The following SAP130 variants were observed in gnomAD, a reference collection of about 807,000 sequenced individuals.
SAP130 encodes Sin3A associated protein 130.
A neutral mutation model predicts 103.2 loss-of-function variants in SAP130; 16 were observed. That is an observed-to-expected ratio of 0.16 (90% CI 0.10 to 0.24). SAP130 has a LOEUF of 0.24. Among genes scored for constraint, SAP130 ranks in the 10% least tolerant of loss-of-function variants. The pLI is 1.00. For synonymous variants in SAP130, 477 were observed against 497.0 expected (o/e 0.96, Z 0.53); for missense variants, 990 against 1,359.7 (o/e 0.73, Z 4.28).
chr2:127,993,439 C>G (rs1326847696), intron 11 of SAP130, 131 bp from the exon 12 acceptor site: 2 of 875,208 alleles, frequency 2.3e-6, no homozygotes, highest in Admixed American at 3.4e-5. Flanking sequence ...GTGTCCCAAA[C>G]AAACTCTTAC....
chr2:127,997,378 C>T lies in SAP130; in HGVS notation c.1214-887G>A, dbSNP rs3806585. ...GACAGCTTCCATCTTTGTAAAAACC[C>T]GTTACACCAGTGAGAGGCACATTAA... On this transcript the variant is annotated intron_variant, in intron 10 of 20. Transcript: ENST00000643581. Among the ~76,000 whole-genome samples the T allele has an allele frequency of 2.9e-3, 440 of 152,228 alleles. 3 individuals carry two copies. The highest frequency in any genetic ancestry group is 4.9e-3 in the Non-Finnish European group (332 of 68,004).
chr2:127,976,932 A>G (rs1681503381), intron 15 of SAP130, among the ~76,000 whole-genome samples: 5 of 152,084 alleles, frequency 3.3e-5, no homozygotes, highest in Admixed American at 3.3e-4. Flanking sequence ...GAATCTATCA[A>G]TCTATCTACA....
intron 2 of SAP130, among the ~76,000 whole-genome samples, chr2:128,023,300 C>T (rs1685276456): frequency 6.6e-6 from 1 of 152,046 alleles, no homozygotes; most frequent in Non-Finnish European, 1.5e-5. Context: ...TTAGCCTGGC[C>T]TCGGCTAATT....
chr2:127,968,362 C>T (rs1287043103), intron 15 of SAP130, among the ~76,000 whole-genome samples: 3 of 150,446 alleles, frequency 2.0e-5, no homozygotes, highest in African/African-American at 7.4e-5. Context: ...CTGTCCGCAT[C>T]GGCCTCCCAA....
intron 16 of SAP130, among the ~76,000 whole-genome samples, chr2:127,951,427 A>G (rs1679487733): frequency 6.6e-6 from 1 of 151,864 alleles, no homozygotes; most frequent in Admixed American, 6.6e-5. Flanking sequence ...CTCACACCCA[A>G]TCTGAATTTC....
At chr2:128,017,188 G>A (rs1411672547) in intron 3 of SAP130, among the ~76,000 whole-genome samples, 3 of 152,174 alleles carry the variant, frequency 2.0e-5, no homozygotes, top group African/African-American at 7.2e-5. Flanking sequence ...CAGGCGTAGT[G>A]ACGTGCGCCT....
At chr2:128,005,066 C>T (rs1683859488) in intron 7 of SAP130, among the ~76,000 whole-genome samples, 1 of 152,158 alleles carries the variant, frequency 6.6e-6, no homozygotes, top group African/African-American at 2.4e-5. Context: ...AATTTAAAAA[C>T]TTAATGAAGT....
At chr2:127,945,402 G>T in intron 19 of SAP130, 54 bp downstream of exon 19, 1 of 1,038,676 alleles carries the variant, frequency 9.6e-7, no homozygotes, top group Non-Finnish European at 1.5e-6. Context: ...TCAGCTATCT[G>T]CAGTGTCTTC....
At position 128,018,050 on chromosome 2, in the gene SAP130, A is replaced by C. The variant is rs1018417016; in HGVS notation, c.113-135T>G. On this transcript the variant is annotated intron_variant, in intron 2 of 20. Coordinates refer to ENST00000643581, the MANE Select transcript of SAP130 (RefSeq NM_001330301.2). ...ATTTCCTTGTGATGTTTTCTTAACA[A>C]GGTCAATATGGGCACTGGATTCTCC... 1.9e-5 allele frequency: 13 copies of C among 670,630 alleles called. No individual in the cohort carries two copies. In the African/African-American group the frequency reaches 2.3e-4, roughly 12 times the overall value. 41.5% of individuals were successfully genotyped at this position (670,630 alleles called of 1,614,324 possible). A position where few individuals can be genotyped will look rare whatever the true frequency, so the allele number is the denominator to read the frequency against.
chr2:127,978,727 T>A (rs538677915), intron 14 of SAP130, among the ~76,000 whole-genome samples: 43 of 152,278 alleles, frequency 2.8e-4, no homozygotes, highest in African/African-American at 9.1e-4. Context: ...TGGATCCAGG[T>A]ACTGATCTTC....
At chr2:127,957,820 G>A (rs1316913250) in intron 15 of SAP130, among the ~76,000 whole-genome samples, 1 of 152,004 alleles carries the variant, frequency 6.6e-6, no homozygotes, top group African/African-American at 2.4e-5. Flanking sequence ...GAAAGAAAAA[G>A]AGAGAAGAGA....
At position 127,989,774 on chromosome 2, in the gene SAP130, C is replaced by T; in HGVS notation, c.1570G>A (p.Val524Met). Reference sequence around the variant, plus strand: ...ATATGTCGAGCATGCGATGCATCCACTGTCATCAACTGCATGGGGTTTAGG... The same window carrying T: ...ATATGTCGAGCATGCGATGCATCCATTGTCATCAACTGCATGGGGTTTAGG... ...VHLNPMQLMT[V>M]DASHARHIQG... The change falls in exon 13 of 21, where the codon GTG becomes ATG. Residue 524 changes from valine (V) to methionine (M), a missense_variant. By Grantham distance (21) the Val-to-Met change is conservative (BLOSUM62 1). Transcript: ENST00000643581. The surrounding 1 kb of genome is among the most constrained non-coding windows in gnomAD (Gnocchi z 4.6). 1 of 1,614,246 alleles carries T rather than the reference C, an allele frequency of 6.2e-7. No homozygotes were observed. Among genetic ancestry groups the T allele is most frequent in the East Asian group, 2.2e-5 (1 of 44,888 alleles).
At chr2:128,016,872 G>A (rs1295223720) in intron 3 of SAP130, among the ~76,000 whole-genome samples, 1 of 152,196 alleles carries the variant, frequency 6.6e-6, no homozygotes, top group East Asian at 1.9e-4. Flanking sequence ...CCAAGTTTGG[G>A]TGGATTGAAC....
intron 3 of SAP130, 99 bp from the exon 4 acceptor site, chr2:128,016,646 C>T: frequency 7.6e-7 from 1 of 1,320,428 alleles, no homozygotes; most frequent in Non-Finnish European, 1.0e-6. Flanking sequence ...TGGAAAGTGC[C>T]AGGAAAGATG....
intron 2 of SAP130, among the ~76,000 whole-genome samples, chr2:128,021,444 C>A (rs1325500459): frequency 7.3e-6 from 1 of 136,564 alleles, no homozygotes; most frequent in Non-Finnish European, 1.6e-5. Flanking sequence ...AAGACTCCAT[C>A]TCAAAAAAAA....
chr2:127,949,290 T>C (rs1313289676), intron 18 of SAP130, among the ~76,000 whole-genome samples: 1 of 152,214 alleles, frequency 6.6e-6, no homozygotes, highest in Non-Finnish European at 1.5e-5. Context: ...AGTCCATCCG[T>C]AGAAATATTT....
intron 10 of SAP130, 122 bp downstream of exon 10, chr2:127,999,616 GAAA>G (rs67585632): frequency 4.8e-5 from 18 of 374,402 alleles, no homozygotes; most frequent in Admixed American, 1.5e-4. Context: ...AAAAAGAAAA[GAAA>G]AAAAAAAAAA....
intron 15 of SAP130, among the ~76,000 whole-genome samples, chr2:127,963,896 T>A (rs1188395371): frequency 6.6e-6 from 1 of 152,262 alleles, no homozygotes; most frequent in South Asian, 2.1e-4. Flanking sequence ...CTATCATTAT[T>A]TGCATAGAAC....
At position 127,945,491 on chromosome 2, in the gene SAP130, T is replaced by C. The variant is rs1194928165; in HGVS notation, c.2866A>G (p.Lys956Glu). 1.9e-6 allele frequency: 3 copies of C among 1,613,212 alleles called. No individual in the cohort carries two copies. The highest frequency in any genetic ancestry group is 2.2e-5 in the South Asian group (2 of 91,066). Reference protein sequence around the residue: ...KGVSCRAQGWKVHLCAAQLLQ... With the variant: ...KGVSCRAQGWEVHLCAAQLLQ... ...AACTGGGCAGCACAGAGGTGGACTT[T>C]CCAGCCTTGAGCACGACAGGATACT... The change falls in exon 19 of 21, where the codon AAA becomes GAA. Residue 956 changes from lysine to glutamate, a missense_variant. Physicochemically the swap from Lys to Glu is moderately conservative, Grantham distance 56. Transcript: ENST00000643581.
Sources: allele counts gnomAD v4.1 joint callset (sites outside exome capture counted in the v4.1 genomes callset), GRCh38; gene constraint gnomAD v4.1.1; non-coding constraint Gnocchi (gnomAD v3.1); transcripts MANE v1.5; gene names NCBI Gene and HGNC (gene_info 2026-07-23, HGNC 2026-07-21).